TOP2B: variants seen among roughly 807,000 people sequenced by gnomAD.
TOP2B encodes the protein DNA topoisomerase 2-beta.
Under a neutral mutation model 193.5 loss-of-function variants are expected in TOP2B, and 51 were observed. The observed-to-expected ratio is 0.26, with a 90% CI of 0.21 to 0.33. The LOEUF (loss-of-function observed/expected upper bound fraction) is 0.33. Ranked by LOEUF, TOP2B falls within the 10% of genes least tolerant of loss-of-function variation. TOP2B has a pLI of 1.00. For synonymous variants in TOP2B, 634 were observed against 635.7 expected (o/e 1.00, Z 0.04); for missense variants, 1,378 against 1,909.3 (o/e 0.72, Z 5.19).
Position 25,637,228 on chromosome 3 carries a change from T to A in TOP2B, c.626A>T (p.His209Leu), listed in dbSNP as rs147912364. Residue 209 changes from histidine (H) to leucine (L), a missense_variant, in exon 6 of 36, where the codon CAC (histidine) becomes CTC (leucine). This residue lies in a region of TOP2B where 222 missense variants were observed against 306.6 expected (regional missense o/e 0.72). Coordinates refer to ENST00000264331, the MANE Select transcript of TOP2B (RefSeq NM_001330700.2). Reference protein sequence around the residue: ...TVETACKEYKHSFKQTWMNNM... With the variant: ...TVETACKEYKLSFKQTWMNNM... ...TTTCTAGCATACCTGCTTAAAACTG[T>A]GTTTGTATTCTTTGCAAGCTGTTTC... 1.4e-5 allele frequency: 21 copies of A among 1,554,550 alleles called. No homozygotes were observed. In the East Asian group the frequency reaches 4.6e-4, roughly 34 times the overall value.
At chr3:25,656,969 T>G (rs1258272162) in intron 1 of TOP2B, among the ~76,000 whole-genome samples, 1 of 152,198 alleles carries the variant, frequency 6.6e-6, no homozygotes, top group Non-Finnish European at 1.5e-5. Flanking sequence ...CAACCCCAAC[T>G]TTCTCACTAG....
At position 25,627,746 on chromosome 3, in the gene TOP2B, C is replaced by A. The variant is rs966202755; in HGVS notation, c.1907-450G>T. 2.0e-5 allele frequency among the ~76,000 whole-genome samples: 3 copies of A among 152,076 alleles called. No homozygotes were observed. In the East Asian group the frequency reaches 5.8e-4, roughly 29 times the overall value. On this transcript the variant is annotated intron_variant, in intron 15 of 35. Coordinates refer to ENST00000264331, the MANE Select transcript of TOP2B (RefSeq NM_001330700.2). ...TTATCAACCAAATGCAATGTGTGGACCTTACTTGGATCCTGACTTTGGAAA... is the reference window on the plus strand; with the variant it reads ...TTATCAACCAAATGCAATGTGTGGAACTTACTTGGATCCTGACTTTGGAAA...
chr3:25,633,775 G>C, intron 8 of TOP2B, 66 bp downstream of exon 8: 2 of 1,353,560 alleles, frequency 1.5e-6, no homozygotes, highest in Non-Finnish European at 2.0e-6. Flanking sequence ...ATTGTTATTT[G>C]TTTTGTAGTT....
chr3:25,610,228 A>G (rs1702334649), intron 28 of TOP2B, among the ~76,000 whole-genome samples: 1 of 152,112 alleles, frequency 6.6e-6, no homozygotes, highest in South Asian at 2.1e-4. Context: ...AATAAGTAAC[A>G]TGTGTCTTGC....
intron 13 of TOP2B, among the ~76,000 whole-genome samples, chr3:25,629,546 A>G (rs1423362079): frequency 6.6e-6 from 1 of 152,152 alleles, no homozygotes; most frequent in African/African-American, 2.4e-5. Context: ...TTAAAACTAT[A>G]TATTAATAGC....
intron 1 of TOP2B, among the ~76,000 whole-genome samples, chr3:25,663,802 TACAC>T (rs113174892): frequency 6.6e-6 from 1 of 151,330 alleles, no homozygotes; most frequent in African/African-American, 2.4e-5. Context: ...GCATTTAGAA[TACAC>T]ACACACACAC....
chr3:25,651,357 A>T (rs1703583496), intron 1 of TOP2B, among the ~76,000 whole-genome samples: 1 of 151,984 alleles, frequency 6.6e-6, no homozygotes, highest in Admixed American at 6.6e-5. Flanking sequence ...TCACCTGAAG[A>T]TATGTTATGT....
At chr3:25,603,341 C>T (rs146634607) in intron 33 of TOP2B, among the ~76,000 whole-genome samples, 2,641 of 152,196 alleles carry the variant, frequency 0.017, 36 homozygotes, top group Middle Eastern at 0.044. Flanking sequence ...CAAGTTCAAG[C>T]GATTCTTGTG....
intron 11 of TOP2B, 140 bp downstream of exon 11, chr3:25,630,661 G>T: frequency 1.1e-6 from 1 of 889,668 alleles, no homozygotes; most frequent in Non-Finnish European, 1.6e-6. Flanking sequence ...AATATGTTGT[G>T]TATGTGATAA....
intron 4 of TOP2B, among the ~76,000 whole-genome samples, chr3:25,640,380 A>C (rs1703222748): frequency 1.3e-5 from 2 of 152,188 alleles, no homozygotes; most frequent in Admixed American, 1.3e-4. Flanking sequence ...GAAACAAGAA[A>C]GGAGGGGTGA....
In TOP2B at chr3:25,664,800, T is replaced by A. The variant is rs894268799; in HGVS notation, c.-503A>T. 4.1e-6 allele frequency: 4 copies of A among 986,940 alleles called. No homozygotes were observed. In the African/African-American group the frequency reaches 5.3e-5, roughly 13 times the overall value. 61.1% of individuals were successfully genotyped at this position (986,940 alleles called of 1,614,324 possible). A position where few individuals can be genotyped will look rare whatever the true frequency, so the allele number is the denominator to read the frequency against. On this transcript the variant is annotated 5_prime_UTR_variant, in exon 1 of 36. Coordinates refer to ENST00000264331, the MANE Select transcript of TOP2B (RefSeq NM_001330700.2). ...GCTTCAAAGGCAGCCTTAGCCTCGC[T>A]GCAGCCCCGATTTCCTCACACACAC... is the stretch of plus-strand genomic sequence containing the variant.
chr3:25,633,789 A>C, intron 8 of TOP2B, 52 bp downstream of exon 8: 2 of 1,417,586 alleles, frequency 1.4e-6, no homozygotes, highest in Non-Finnish European at 1.9e-6. Context: ...TGTAGTTTTT[A>C]TTGAAGTACT....
At chr3:25,625,754 T>A (rs1702784830) in intron 18 of TOP2B, among the ~76,000 whole-genome samples, 1 of 152,202 alleles carries the variant, frequency 6.6e-6, no homozygotes, top group South Asian at 2.1e-4. Flanking sequence ...CTTTTCAGTA[T>A]ATGCTATCAC....
chr3:25,615,464 T>A lies in TOP2B; in HGVS notation c.3474A>T (p.Lys1158Asn), dbSNP rs1212504028. The A allele has an allele frequency of 1.9e-6, 3 of 1,564,292 alleles. No individual in the cohort carries two copies. The highest frequency in any genetic ancestry group is 3.8e-5 in the Admixed American group (2 of 52,724). The change falls in exon 26 of 36, where the codon AAA (lysine) becomes AAT (asparagine). Residue 1158 changes from lysine to asparagine, a missense_variant. Lys to Asn is a moderately conservative substitution (Grantham distance 94, BLOSUM62 0). This residue lies in a region of TOP2B where 556 missense variants were observed against 584.2 expected (regional missense o/e 0.95). Coordinates refer to ENST00000264331, the MANE Select transcript of TOP2B (RefSeq NM_001330700.2). The stretch of plus-strand genomic sequence containing the variant: ...CTCTCTGTTTAATCAGTTCTTCAAC[T>A]TTTTCTTTAGTAAGAGACCACAGAG... ...NMSLWSLTKEKVEELIKQRDA... is the reference protein window; with the variant it reads ...NMSLWSLTKENVEELIKQRDA...
intron 18 of TOP2B, chr3:25,625,051 T>A (rs1702758124): frequency 6.8e-6 from 2 of 294,908 alleles, no homozygotes; most frequent in African/African-American, 2.2e-5. Context: ...GAACTGCCAA[T>A]TGAAAGACAA....
intron 1 of TOP2B, among the ~76,000 whole-genome samples, chr3:25,651,864 CAAA>C (rs753903605): frequency 5.6e-5 from 5 of 90,040 alleles, no homozygotes; most frequent in Non-Finnish European, 4.7e-5. Context: ...GATTGTGTCT[CAAA>C]AAAAAAAAAA....
Position 25,615,560 on chromosome 3 carries a change from G to T in TOP2B, c.3378C>A (p.Asn1126Lys). 6.4e-7 allele frequency: 1 copy of T among 1,565,614 alleles called. No homozygotes were observed. ...AATCGGAGGAACTATCATCATGCTG[G>T]TTTTGTGTTTCATCCTCTTCTGCTG... is the stretch of plus-strand genomic sequence containing the variant. Reference protein sequence around the residue: ...EKAAEEDETQNQHDDSSSDSG... With the variant: ...EKAAEEDETQKQHDDSSSDSG... Residue 1126 changes from asparagine (N) to lysine (K), a missense_variant, in exon 26 of 36, where the codon AAC (asparagine) becomes AAA (lysine). Asn to Lys is a moderately conservative substitution (Grantham distance 94). Transcript: ENST00000264331.
intron 25 of TOP2B, among the ~76,000 whole-genome samples, chr3:25,616,584 C>T (rs532838663): frequency 4.6e-5 from 7 of 151,886 alleles, no homozygotes; most frequent in East Asian, 1.9e-4. Flanking sequence ...TAGCCAAATA[C>T]GGAATGCTAT....
rs780078742 is a variant in TOP2B at position 25,628,956 on chromosome 3, A to T, written c.1801-4T>A. 1 of 1,591,288 alleles carries T rather than the reference A, an allele frequency of 6.3e-7. No homozygotes were observed. The highest frequency in any genetic ancestry group is 8.5e-7 in the Non-Finnish European group (1 of 1,170,782). On this transcript the variant is annotated splice_region_variant and splice_polypyrimidine_tract_variant and intron_variant, in intron 14 of 35. Transcript: ENST00000264331. ...GTTCCTGCTTATTTTTGCTTGCCTT[A>T]AATTAATTAAAAAACAAAATTAGTT...
Sources: gnomAD v4.1 joint callset for allele counts (sites outside exome capture counted in the v4.1 genomes callset) on GRCh38, gnomAD v4.1.1 for gene constraint, gnomAD v4.1.1 regional missense constraint, MANE v1.5 for transcripts, NCBI Gene and HGNC (gene_info 2026-07-23, HGNC 2026-07-21) for gene names.